KCNH1: variants seen among roughly 807,000 people sequenced by gnomAD.
KCNH1 encodes the protein potassium voltage-gated channel subfamily H member 1.
A neutral mutation model predicts 69.2 loss-of-function variants in KCNH1; 27 were observed. The ratio of observed to expected loss-of-function variants is 0.39; its 90% CI spans 0.29 to 0.54. The LOEUF (loss-of-function observed/expected upper bound fraction) is 0.54. Ranked by LOEUF, KCNH1 falls within the 20% of genes least tolerant of loss-of-function variation. The pLI, the probability that KCNH1 is intolerant of heterozygous loss-of-function variation, is 0.68. For missense variants in KCNH1, 798 were observed against 1,261.6 expected, an observed-to-expected ratio of 0.63 and a Z score of 5.57; for synonymous variants, 456 against 487.7, an observed-to-expected ratio of 0.93 and a Z score of 0.86.
chr1:210,909,409 G>T (rs1410441316), intron 7 of KCNH1, among the ~76,000 whole-genome samples: 1 of 152,206 alleles, frequency 6.6e-6, no homozygotes, highest in Non-Finnish European at 1.5e-5. Context: ...CACACAAGGG[G>T]TAGTTAAAGA....
intron 8 of KCNH1, among the ~76,000 whole-genome samples, chr1:210,800,336 G>T (rs1684403590): frequency 6.6e-6 from 1 of 152,188 alleles, no homozygotes; most frequent in African/African-American, 2.4e-5. Flanking sequence ...AGGTAATGAG[G>T]AGCACTCACA....
chr1:210,687,435 T>C (rs1382753000), intron 10 of KCNH1, among the ~76,000 whole-genome samples: 1 of 152,204 alleles, frequency 6.6e-6, no homozygotes, highest in Non-Finnish European at 1.5e-5. Context: ...TGCAGGCTTT[T>C]TTTCCAAAGT....
intron 7 of KCNH1, among the ~76,000 whole-genome samples, chr1:210,853,946 C>CAAAAAAAAAAAAAAAAGAAAA (rs1685767518): frequency 1.6e-5 from 1 of 61,534 alleles, no homozygotes; most frequent in Non-Finnish European, 2.7e-5. Flanking sequence ...TTATCTAAGC[C>CAAAAAAAAAAAAAAAAGAAAA]AAAAAAAAAA....
intron 10 of KCNH1, among the ~76,000 whole-genome samples, chr1:210,759,827 G>A (rs1683479871): frequency 6.6e-6 from 1 of 152,108 alleles, no homozygotes; most frequent in African/African-American, 2.4e-5. Flanking sequence ...AAGAAATCTA[G>A]AGAATTCCTG....
intron 9 of KCNH1, among the ~76,000 whole-genome samples, chr1:210,794,364 G>C (rs554611266): frequency 3.3e-4 from 50 of 152,180 alleles, no homozygotes; most frequent in Non-Finnish European, 5.6e-4. Flanking sequence ...TTCTAGTGTA[G>C]ACAGCTTGAA....
chr1:210,919,385 T>G lies in KCNH1; in HGVS notation c.1462+255A>C. 2.1e-6 allele frequency: 1 copy of G among 476,132 alleles called. No individual in the cohort carries two copies. The highest frequency in any genetic ancestry group is 3.8e-6 in the Non-Finnish European group (1 of 263,504). The allele number at this position is 476,132 out of a possible 1,614,324, so 29.5% of individuals were successfully genotyped here. The stretch of plus-strand genomic sequence containing the variant: ...AGTCTGTAAGAGAAGACACCAACAG[T>G]ATTAGTAGTTATCTCTGAAAAGCAG... On this transcript the variant is annotated intron_variant, in intron 7 of 10. Coordinates refer to ENST00000271751, the MANE Select transcript of KCNH1 (RefSeq NM_172362.3). This position sits in a 1 kb window ranked among gnomAD's most constrained non-coding sequence, Gnocchi z 4.2.
At chr1:210,980,145 A>T (rs1340591340) in intron 6 of KCNH1, among the ~76,000 whole-genome samples, 2 of 152,168 alleles carry the variant, frequency 1.3e-5, no homozygotes, top group African/African-American at 4.8e-5. Flanking sequence ...TGGTTGGCAA[A>T]CTGTAGTCCA....
intron 7 of KCNH1, among the ~76,000 whole-genome samples, chr1:210,844,826 G>A (rs572034281): frequency 8.3e-4 from 126 of 152,082 alleles, no homozygotes; most frequent in Admixed American, 3.2e-3. Flanking sequence ...TTGATAGATC[G>A]CTAGCAAGAC....
chr1:210,696,102 T>G (rs1373884721), intron 10 of KCNH1, among the ~76,000 whole-genome samples: 1 of 152,212 alleles, frequency 6.6e-6, no homozygotes, highest in African/African-American at 2.4e-5. Context: ...AGGGTGCAGC[T>G]CCACAGCTCT....
In KCNH1 at chr1:211,112,940, A is replaced by C. The variant is rs11809519; in HGVS notation, c.80-5563T>G. ...ACAATCTGTTTATAAGTTAGGGGCT[A>C]CCCATATAAATACCATAACACCACA... On this transcript the variant is annotated intron_variant, in intron 1 of 10. Transcript: ENST00000271751. 7.7e-3 allele frequency among the ~76,000 whole-genome samples: 1,174 copies of C among 152,338 alleles called. 19 individuals carry two copies. The highest frequency in any genetic ancestry group is 0.025 in the African/African-American group (1,024 of 41,566).
intron 5 of KCNH1, 68 bp downstream of exon 5, chr1:211,082,712 G>T: frequency 8.1e-7 from 1 of 1,230,366 alleles, no homozygotes; most frequent in South Asian, 1.3e-5. Context: ...CACTAGTTTT[G>T]TGCCATTGCC....
chr1:210,729,315 A>G (rs991666822), intron 10 of KCNH1, among the ~76,000 whole-genome samples: 1 of 152,238 alleles, frequency 6.6e-6, no homozygotes, highest in Admixed American at 6.5e-5. Context: ...AGAAATTATC[A>G]AGAAAAAAAA....
At chr1:211,064,954 TAA>T (rs1403750729) in intron 5 of KCNH1, among the ~76,000 whole-genome samples, 2 of 152,186 alleles carry the variant, frequency 1.3e-5, no homozygotes, top group Admixed American at 1.3e-4. Context: ...TCACATCTGT[TAA>T]AATGACTATT....
In KCNH1 at chr1:211,134,064, T is replaced by C. The variant is rs1691930314; in HGVS notation, c.-119A>G. 1.2e-5 allele frequency: 10 copies of C among 835,226 alleles called. No individual in the cohort carries two copies. Among genetic ancestry groups the C allele is most frequent in the Non-Finnish European group, 1.9e-5 (10 of 525,064 alleles). The allele number at this position is 835,226 out of a possible 1,614,324, so 51.7% of individuals were successfully genotyped here. On this transcript the variant is annotated 5_prime_UTR_variant, in exon 1 of 11. Transcript: ENST00000271751. The surrounding 1 kb of genome is among the most constrained non-coding windows in gnomAD (Gnocchi z 5.7). ...AAGCGCCCCATGCGCCCGGCGGGGA[T>C]CCGCAGGCAGGGCTGGCGGCTCCCT... is the stretch of plus-strand genomic sequence containing the variant.
chr1:210,789,099 T>C (rs1391919054), intron 9 of KCNH1, among the ~76,000 whole-genome samples: 1 of 152,106 alleles, frequency 6.6e-6, no homozygotes, highest in Non-Finnish European at 1.5e-5. Flanking sequence ...CACTGACACA[T>C]AGCCTTCTCC....
At chr1:211,100,926 A>G (rs1691246310) in intron 3 of KCNH1, among the ~76,000 whole-genome samples, 1 of 152,192 alleles carries the variant, frequency 6.6e-6, no homozygotes, top group Admixed American at 6.5e-5. Flanking sequence ...GTTCTTATGC[A>G]TGTCAAAGTT....
chr1:210,904,773 AC>A (rs2102540529), intron 7 of KCNH1, among the ~76,000 whole-genome samples: 1 of 152,354 alleles, frequency 6.6e-6, no homozygotes, highest in African/African-American at 2.4e-5. Context: ...TCTGCCAGGC[AC>A]CATGCCAGGA....
chr1:210,697,476 G>A (rs533793797), intron 10 of KCNH1, among the ~76,000 whole-genome samples: 1 of 152,196 alleles, frequency 6.6e-6, no homozygotes, highest in Non-Finnish European at 1.5e-5. Flanking sequence ...TATCTTTCTC[G>A]CAGGCCTGCA....
intron 7 of KCNH1, among the ~76,000 whole-genome samples, chr1:210,904,564 C>T (rs143441194): frequency 4.4e-4 from 67 of 152,308 alleles, no homozygotes; most frequent in African/African-American, 7.9e-4. Flanking sequence ...CCAGGCTGCA[C>T]GGAGACTGGC....
Sources: gnomAD v4.1 joint callset for allele counts (sites outside exome capture counted in the v4.1 genomes callset) on GRCh38, gnomAD v4.1.1 for gene constraint, Gnocchi (gnomAD v3.1) non-coding constraint, MANE v1.5 for transcripts, NCBI Gene and HGNC (gene_info 2026-07-23, HGNC 2026-07-21) for gene names.